BICRA: variants seen among roughly 807,000 people sequenced by gnomAD.
BICRA encodes BRD4-interacting chromatin-remodeling complex-associated protein.
A neutral mutation model predicts 96.9 loss-of-function variants in BICRA; 31 were observed. That is an observed-to-expected ratio of 0.32 (90% confidence interval 0.24 to 0.43). The LOEUF is 0.43. BICRA is among the 20% of genes least tolerant of loss of function. The probability of loss-of-function intolerance (pLI) is 1.00; values close to 1 mark genes in which losing one functional copy is unlikely to be tolerated. For missense variants in BICRA, 2,283 were observed against 2,190.3 expected (o/e 1.04, Z -0.84); for synonymous variants, 1,350 against 1,071.8 (o/e 1.26, Z -5.07).
At chr19:47,613,645 C>T (rs555652457) in intron 1 of BICRA, among the ~76,000 whole-genome samples, 1 of 152,152 alleles carries the variant, frequency 6.6e-6, no homozygotes, top group South Asian at 2.1e-4. Context: ...GGTTTTTTGT[C>T]CCCTGTCTTG....
Position 47,694,296 on chromosome 19 carries a change from GCCCCCCACCCCAGGC to G in BICRA, c.2473_2487del (p.Pro825_Pro829del). 5 of 628,882 alleles carry G rather than the reference GCCCCCCACCCCAGGC, an allele frequency of 8.0e-6. No individual in the cohort carries two copies. Among genetic ancestry groups the G allele is most frequent in the East Asian group, 4.7e-5 (1 of 21,312 alleles). 39.0% of individuals were successfully genotyped at this position (628,882 alleles called of 1,614,324 possible). A position where few individuals can be genotyped will look rare whatever the true frequency, so the allele number is the denominator to read the frequency against. On this transcript the variant is annotated inframe_deletion, in exon 8 of 15. Coordinates refer to ENST00000594866, the MANE Select transcript of BICRA (RefSeq NM_001394372.1). Reference sequence around the variant, plus strand: ...CCCTCAGAGCCACCCTTGCACCCTTGCCCCCCACCCCAGGCCCCCCCAACTCTGCCTGGCATCTTT... The same window carrying G: ...CCCTCAGAGCCACCCTTGCACCCTTGCCCCCCAACTCTGCCTGGCATCTTT...
At chr19:47,612,931 G>T (rs1214602030) in intron 1 of BICRA, among the ~76,000 whole-genome samples, 1 of 152,160 alleles carries the variant, frequency 6.6e-6, no homozygotes, top group Non-Finnish European at 1.5e-5. Context: ...CGAGATGACA[G>T]GCATAAGTAA....
At chr19:47,683,436 T>G (rs1488020697) in intron 7 of BICRA, among the ~76,000 whole-genome samples, 2 of 152,240 alleles carry the variant, frequency 1.3e-5, no homozygotes, top group Non-Finnish European at 2.9e-5. Context: ...ATGAAACTGC[T>G]CATACCCTTT....
At chr19:47,624,625 G>A (rs969505826) in intron 1 of BICRA, among the ~76,000 whole-genome samples, 1 of 151,912 alleles carries the variant, frequency 6.6e-6, no homozygotes, top group African/African-American at 2.4e-5. Flanking sequence ...CCTTCAGTTC[G>A]TAAAAAAATG....
At position 47,681,136 on chromosome 19, in the gene BICRA, G is replaced by A. The variant is rs886260303; in HGVS notation, c.1966G>A (p.Ala656Thr). ...QPPQAPTPQA[A>T]APPQATTPQP... ...CCCGCAGGCCCCCACCCCACAGGCCGCCGCCCCGCCTCAGGCCACCACCCC... is the reference window on the plus strand; with the variant it reads ...CCCGCAGGCCCCCACCCCACAGGCCACCGCCCCGCCTCAGGCCACCACCCC... The change falls in exon 6 of 15, where the codon GCC (alanine) becomes ACC (threonine). Residue 656 changes from alanine (A) to threonine (T), a missense_variant. By Grantham distance (58) the Ala-to-Thr change is moderately conservative. Transcript: ENST00000594866. 7.4e-6 allele frequency: 10 copies of A among 1,352,474 alleles called. No individual in the cohort carries two copies. The highest frequency in any genetic ancestry group is 3.0e-5 in the East Asian group (1 of 33,000). 83.8% of individuals were successfully genotyped at this position (1,352,474 alleles called of 1,614,324 possible). A position where few individuals can be genotyped will look rare whatever the true frequency, so the allele number is the denominator to read the frequency against.
intron 7 of BICRA, among the ~76,000 whole-genome samples, chr19:47,688,822 T>G (rs577662121): frequency 4.6e-5 from 7 of 152,174 alleles, no homozygotes; most frequent in African/African-American, 1.4e-4. Context: ...TTCTTTGTTT[T>G]GTTTTATTTT....
At chr19:47,664,297 A>G (rs1292831784) in intron 1 of BICRA, among the ~76,000 whole-genome samples, 1 of 152,170 alleles carries the variant, frequency 6.6e-6, no homozygotes, top group Non-Finnish European at 1.5e-5. Context: ...TCCTGATGAC[A>G]GCGCAAAACT....
chr19:47,643,167 G>A (rs531186945), intron 1 of BICRA, among the ~76,000 whole-genome samples: 16 of 152,280 alleles, frequency 1.1e-4, no homozygotes, highest in East Asian at 5.8e-4. Flanking sequence ...ACAAGGTTTC[G>A]CCATGTTGGC....
chr19:47,701,502 C>T lies in BICRA; in HGVS notation c.3770C>T (p.Pro1257Leu), dbSNP rs904645574. ...CGGCACGGCGGGGCAGGCGGCTCCC[C>T]TTCGGTCACCTGGGCCCGGGCGTCC... is the stretch of plus-strand genomic sequence containing the variant. ...VIRHGGAGGS[P>L]SVTWARASSS... Residue 1257 changes from proline to leucine, a missense_variant, in exon 15 of 15, where the codon CCT becomes CTT. Transcript: ENST00000594866. The surrounding 1 kb of genome is among the most constrained non-coding windows in gnomAD (Gnocchi z 5.4). The T allele has an allele frequency of 6.5e-7, 1 of 1,548,330 alleles. No homozygotes were observed. The highest frequency in any genetic ancestry group is 8.7e-7 in the Non-Finnish European group (1 of 1,147,082).
chr19:47,702,363 A>G lies in BICRA; in HGVS notation c.4631A>G (p.Tyr1544Cys). 1 of 1,530,062 alleles carries G rather than the reference A, an allele frequency of 6.5e-7. No homozygotes were observed. Among genetic ancestry groups the G allele is most frequent in the Non-Finnish European group, 8.7e-7 (1 of 1,149,616 alleles). The allele number at this position is 1,530,062 out of a possible 1,614,324, so 94.8% of individuals were successfully genotyped here. ...CCGCCCCTGCACAGGCCCGAGGCCT[A>G]CCCACCCTCCAGTCACAACGGTGGC... ...SPPPLHRPEA[Y>C]PPSSHNGGLG... The change falls in exon 15 of 15, where the codon TAC becomes TGC. Residue 1544 changes from tyrosine (Y) to cysteine (C), a missense_variant. Transcript: ENST00000594866.
chr19:47,673,812 T>C (rs1972902374), intron 4 of BICRA, 50 bp downstream of exon 4: 1 of 1,482,058 alleles, frequency 6.7e-7, no homozygotes, highest in African/African-American at 1.4e-5. Context: ...GGCTGTCTAA[T>C]TGGGAGTGAG....
rs975752571 is a variant in BICRA, at chr19:47,630,317, C to T, written c.-108+21149C>T. On this transcript the variant is annotated intron_variant, in intron 1 of 14. Transcript: ENST00000594866. ...CTGGGACTATAGGCGTCCGCCACCA[C>T]GCCTGGCTAATTTTTTTTGCTTTTT... Among the ~76,000 whole-genome samples the T allele has an allele frequency of 4.6e-5, 7 of 151,926 alleles. No individual in the cohort carries two copies. In the South Asian group the frequency reaches 6.2e-4, roughly 14 times the overall value.
At chr19:47,681,387 G>T (rs921652627) in intron 6 of BICRA, 111 bp downstream of exon 6, 17 of 781,148 alleles carry the variant, frequency 2.2e-5, no homozygotes, top group South Asian at 3.3e-5. Flanking sequence ...GTGGCAGCTG[G>T]GGGGGGAAGG....
chr19:47,632,929 C>T (rs1280833253), intron 1 of BICRA, among the ~76,000 whole-genome samples: 4 of 151,978 alleles, frequency 2.6e-5, no homozygotes, highest in Non-Finnish European at 2.9e-5. Context: ...GTCTGCCTCC[C>T]GAAGTGGTGC....
intron 1 of BICRA, among the ~76,000 whole-genome samples, chr19:47,614,708 A>C: frequency 6.6e-6 from 1 of 152,138 alleles, no homozygotes; most frequent in East Asian, 1.9e-4. Context: ...TCCACGCTTC[A>C]TCTCCCTGGG....
chr19:47,683,557 TCATAA>T (rs767391449), intron 7 of BICRA, among the ~76,000 whole-genome samples: 14 of 151,708 alleles, frequency 9.2e-5, no homozygotes, highest in Admixed American at 2.0e-4. Flanking sequence ...TGCTTACGAG[TCATAA>T]CATAACAGGT....
intron 1 of BICRA, among the ~76,000 whole-genome samples, chr19:47,645,272 C>T (rs1408240541): frequency 6.6e-6 from 1 of 152,134 alleles, no homozygotes; most frequent in Non-Finnish European, 1.5e-5. Context: ...AGGGTCCAGG[C>T]CAGTTATTGT....
intron 1 of BICRA, among the ~76,000 whole-genome samples, chr19:47,642,969 A>G (rs1223438284): frequency 6.6e-6 from 1 of 152,214 alleles, no homozygotes; most frequent in African/African-American, 2.4e-5. Flanking sequence ...TGCTCATTTT[A>G]AATTGGATCA....
chr19:47,698,142 G>T lies in BICRA; in HGVS notation c.3249-492G>T, dbSNP rs1355256756. ...TTTAGCCGAGGGTGGAGTTGGGCCT[G>T]CCTGGTGGGGGAGACAGTCACACTG... On this transcript the variant is annotated intron_variant, in intron 11 of 14. Coordinates refer to ENST00000594866, the MANE Select transcript of BICRA (RefSeq NM_001394372.1). This position sits in a 1 kb window ranked among gnomAD's most constrained non-coding sequence, Gnocchi z 4.8. Among the ~76,000 whole-genome samples the T allele has an allele frequency of 6.6e-6, 1 of 152,182 alleles. No homozygotes were observed. Among genetic ancestry groups the T allele is most frequent in the Non-Finnish European group, 1.5e-5 (1 of 68,036 alleles).
Sources: gnomAD v4.1 joint callset for allele counts (sites outside exome capture counted in the v4.1 genomes callset) on GRCh38, gnomAD v4.1.1 for gene constraint, Gnocchi (gnomAD v3.1) non-coding constraint, MANE v1.5 for transcripts, NCBI Gene and HGNC (gene_info 2026-07-23, HGNC 2026-07-21) for gene names.